Variants in SBF2 observed in about 807,000 individuals in gnomAD.
SBF2 encodes the protein myotubularin-related protein 13.
In SBF2, 112 loss-of-function variants were observed where a neutral mutation model predicts 225.2. The observed-to-expected ratio is 0.50, with a 90% CI of 0.43 to 0.58. SBF2 has a LOEUF of 0.58. Among genes scored for constraint, SBF2 ranks in the 20% least tolerant of loss-of-function variants. SBF2 has a pLI of 0.00. For synonymous variants in SBF2, 763 were observed against 773.3 expected (o/e 0.99, Z 0.22); for missense variants, 1,996 against 2,206.2 (o/e 0.90, Z 1.91).
intron 32 of SBF2, among the ~76,000 whole-genome samples, chr11:9,804,171 A>G (rs771328651): frequency 1.2e-4 from 19 of 152,176 alleles, no homozygotes; most frequent in Non-Finnish European, 2.4e-4. Flanking sequence ...GATAAGCTCT[A>G]GACTTGGGAA....
intron 2 of SBF2, among the ~76,000 whole-genome samples, chr11:10,081,759 C>CAAAAAAAAA (rs59208091): frequency 8.3e-6 from 1 of 120,542 alleles, no homozygotes; most frequent in South Asian, 2.6e-4. Context: ...GACTCCACCT[C>CAAAAAAAAA]AAAAAAAAAA....
chr11:10,122,614 G>T (rs1176021323), intron 2 of SBF2, among the ~76,000 whole-genome samples: 1 of 152,118 alleles, frequency 6.6e-6, no homozygotes, highest in Non-Finnish European at 1.5e-5. Context: ...TTATTAAAAG[G>T]CACTTGATTT....
intron 2 of SBF2, among the ~76,000 whole-genome samples, chr11:10,047,269 T>C (rs912939324): frequency 2.0e-5 from 3 of 152,086 alleles, no homozygotes; most frequent in African/African-American, 7.2e-5. Flanking sequence ...ATTAACAAAA[T>C]GATCCTAAAG....
At position 9,961,970 on chromosome 11, in the gene SBF2, T is replaced by C. The variant is rs1043801815; in HGVS notation, c.1847A>G (p.Asn616Ser). The C allele has an allele frequency of 2.5e-6, 4 of 1,613,574 alleles. No individual in the cohort carries two copies. Among genetic ancestry groups the C allele is most frequent in the African/African-American group, 1.3e-5 (1 of 74,940 alleles). The part of the protein sequence containing the change: ...QQFDYIIRMM[N>S]CTLQDCSSLE... ...ACTACAAATTACCTGTAGAGTACAA[T>C]TCATCATCCTTATTATGTAGTCAAA... The change falls in exon 16 of 40, where the codon AAT (asparagine) becomes AGT (serine). Residue 616 changes from asparagine to serine, a missense_variant. By Grantham distance (46) the Asn-to-Ser change is conservative. Coordinates refer to ENST00000256190, the MANE Select transcript of SBF2 (RefSeq NM_030962.4).
intron 32 of SBF2, among the ~76,000 whole-genome samples, chr11:9,798,332 T>C (rs1192935482): frequency 6.6e-6 from 1 of 152,194 alleles, no homozygotes; most frequent in Non-Finnish European, 1.5e-5. Context: ...CAGTCTGAGC[T>C]GTTGCTTTGG....
chr11:9,792,064 GTAA>G (rs892144423), intron 33 of SBF2, among the ~76,000 whole-genome samples: 1 of 152,202 alleles, frequency 6.6e-6, no homozygotes, highest in African/African-American at 2.4e-5. Context: ...AATCCAGTAT[GTAA>G]TAATCAACAT....
At chr11:10,291,262 T>C (rs1001880775) in intron 1 of SBF2, among the ~76,000 whole-genome samples, 8 of 152,198 alleles carry the variant, frequency 5.3e-5, no homozygotes, top group Non-Finnish European at 1.2e-4. Context: ...TCCTTGTGAA[T>C]GGGATTAGTT....
intron 2 of SBF2, among the ~76,000 whole-genome samples, chr11:10,150,021 T>C (rs7105355): frequency 0.11 from 16,245 of 152,098 alleles, 1,030 homozygotes; most frequent in Non-Finnish European, 0.12. Flanking sequence ...TGGCCCCACC[T>C]AATACAAGAG....
intron 2 of SBF2, among the ~76,000 whole-genome samples, chr11:10,087,482 G>A (rs747803075): frequency 9.9e-5 from 15 of 152,126 alleles, no homozygotes; most frequent in Non-Finnish European, 7.3e-5. Flanking sequence ...TAAACAAGCA[G>A]TAAATATTCC....
At position 9,832,428 on chromosome 11, in the gene SBF2, G is replaced by A. The variant is rs752963340; in HGVS notation, c.3456-8C>T. 7 of 1,605,098 alleles carry A rather than the reference G, an allele frequency of 4.4e-6. 1 individual carries two copies. The South Asian group carries it at 7.7e-5, about 18-fold the overall frequency. ...ACTAAAAGGCCAGGATAGCTTCAGA[G>A]ACATAGAATAGAGAAGAGAATGATT... is the stretch of plus-strand genomic sequence containing the variant. On this transcript the variant is annotated splice_region_variant and splice_polypyrimidine_tract_variant and intron_variant, in intron 26 of 39. Transcript: ENST00000256190.
In SBF2 at chr11:9,973,938, T is replaced by C. The variant is rs374712215; in HGVS notation, c.1396-5393A>G. On this transcript the variant is annotated intron_variant, in intron 13 of 39. Coordinates refer to ENST00000256190, the MANE Select transcript of SBF2 (RefSeq NM_030962.4). ...AGATTAATTCAAGTATTTGAAATTA[T>C]TTAACGTGCACAAATTATACTTAGA... is the stretch of plus-strand genomic sequence containing the variant. Among the ~76,000 whole-genome samples the C allele has an allele frequency of 2.6e-5, 4 of 152,326 alleles. No homozygotes were observed. The East Asian group carries it at 7.7e-4, about 29-fold the overall frequency.
At chr11:10,054,955 G>A (rs1020355412) in intron 2 of SBF2, among the ~76,000 whole-genome samples, 8 of 152,010 alleles carry the variant, frequency 5.3e-5, no homozygotes, top group African/African-American at 1.9e-4. Flanking sequence ...TGTCACCCAA[G>A]CTGGAGTGCG....
intron 16 of SBF2, among the ~76,000 whole-genome samples, chr11:9,903,408 C>T (rs940000163): frequency 1.2e-4 from 18 of 152,128 alleles, no homozygotes; most frequent in Admixed American, 6.5e-5. Context: ...TGGCAAATAT[C>T]TGAGTCTCAC....
At position 9,969,147 on chromosome 11, in the gene SBF2, A is replaced by T. The variant is rs560052183; in HGVS notation, c.1396-602T>A. The stretch of plus-strand genomic sequence containing the variant: ...ACATTTATTTTTTCCAATCATTTAG[A>T]CAAAAAGCTTAGAGTTATCTTTAAT... On this transcript the variant is annotated intron_variant, in intron 13 of 39. Coordinates refer to ENST00000256190, the MANE Select transcript of SBF2 (RefSeq NM_030962.4). 2.0e-5 allele frequency among the ~76,000 whole-genome samples: 3 copies of T among 152,342 alleles called. No individual in the cohort carries two copies. The South Asian group carries it at 6.2e-4, about 32-fold the overall frequency.
intron 2 of SBF2, among the ~76,000 whole-genome samples, chr11:10,070,493 G>C (rs1950820206): frequency 6.6e-6 from 1 of 151,884 alleles, no homozygotes; most frequent in Non-Finnish European, 1.5e-5. Context: ...ATTTCTGAAG[G>C]CTTTGTTCTG....
intron 2 of SBF2, among the ~76,000 whole-genome samples, chr11:10,155,968 C>CG (rs1955456408): frequency 6.6e-6 from 1 of 152,176 alleles, no homozygotes; most frequent in African/African-American, 2.4e-5. Flanking sequence ...ACAGAGCCCA[C>CG]GGGGGTGGGA....
intron 2 of SBF2, among the ~76,000 whole-genome samples, chr11:10,163,998 C>T (rs1254858509): frequency 6.6e-6 from 1 of 152,162 alleles, no homozygotes; most frequent in East Asian, 1.9e-4. Context: ...TTATTTCTGG[C>T]TTCTCACTAC....
At chr11:9,807,933 C>T in intron 32 of SBF2, 67 bp downstream of exon 32, 1 of 1,374,312 alleles carries the variant, frequency 7.3e-7, no homozygotes, top group Non-Finnish European at 1.0e-6. Flanking sequence ...CATCGCAATG[C>T]TCCATCAATG....
intron 16 of SBF2, among the ~76,000 whole-genome samples, chr11:9,934,870 G>C (rs75813630): frequency 1.3e-5 from 2 of 152,146 alleles, no homozygotes; most frequent in African/African-American, 2.4e-5. Context: ...GCAAAAACTG[G>C]AAGCATTCCC....
Sources: gnomAD v4.1 joint callset for allele counts (sites outside exome capture counted in the v4.1 genomes callset) on GRCh38, gnomAD v4.1.1 for gene constraint, MANE v1.5 for transcripts, NCBI Gene and HGNC (gene_info 2026-07-23, HGNC 2026-07-21) for gene names.